WWC2: variants seen among roughly 807,000 people sequenced by gnomAD.
WWC2 encodes protein WWC2.
A neutral mutation model predicts 138.5 loss-of-function variants in WWC2; 101 were observed. The observed-to-expected ratio is 0.73, with a 90% CI of 0.62 to 0.86. The LOEUF (loss-of-function observed/expected upper bound fraction) is 0.86. WWC2 is among the 40% of genes least tolerant of loss of function. The probability of loss-of-function intolerance (pLI) is 0.00; values close to 1 mark genes in which losing one functional copy is unlikely to be tolerated. For synonymous variants in WWC2, 558 were observed against 538.4 expected (o/e 1.04, Z -0.50); for missense variants, 1,420 against 1,419.4 (o/e 1.00, Z -0.01).
chr4:183,148,865 G>T (rs1259430530), intron 1 of WWC2, among the ~76,000 whole-genome samples: 1 of 152,164 alleles, frequency 6.6e-6, no homozygotes, highest in Non-Finnish European at 1.5e-5. Context: ...AGTAGCTCAT[G>T]CCTGCAATCC....
chr4:183,302,962 G>C (rs368754525), intron 21 of WWC2, among the ~76,000 whole-genome samples: 12 of 151,622 alleles, frequency 7.9e-5, no homozygotes, highest in African/African-American at 2.9e-4. Context: ...TATTCTGGAG[G>C]CAGAGGCAGG....
intron 1 of WWC2, among the ~76,000 whole-genome samples, chr4:183,160,619 A>G (rs1225941210): frequency 6.6e-6 from 1 of 152,214 alleles, no homozygotes; most frequent in African/African-American, 2.4e-5. Flanking sequence ...AAAAATCCCA[A>G]TCAGTTTGGT....
chr4:183,101,773 C>T (rs1173157033), intron 1 of WWC2, among the ~76,000 whole-genome samples: 1 of 152,164 alleles, frequency 6.6e-6, no homozygotes, highest in East Asian at 1.9e-4. Context: ...TGTGTGGATT[C>T]TTCTGCAGGA....
chr4:183,138,289 A>G (rs1386819433), intron 1 of WWC2, among the ~76,000 whole-genome samples: 2 of 152,148 alleles, frequency 1.3e-5, no homozygotes, highest in Non-Finnish European at 2.9e-5. Flanking sequence ...CTTTACCATT[A>G]TAAGAGGATC....
intron 1 of WWC2, among the ~76,000 whole-genome samples, chr4:183,100,854 T>G (rs747426843): frequency 7.2e-5 from 11 of 152,250 alleles, no homozygotes; most frequent in African/African-American, 9.6e-5. Context: ...AAAAGGCACC[T>G]GTGCTGAGGT....
chr4:183,320,276 G>A lies in WWC2; in HGVS notation c.*4547G>A. The A allele has an allele frequency of 6.9e-7, 1 of 1,441,736 alleles. No homozygotes were observed. The allele number at this position is 1,441,736 out of a possible 1,614,324, so 89.3% of individuals were successfully genotyped here. Reference sequence around the variant, plus strand: ...TCCTGCCCTTCGGTTGCTGTGAAAAGAAGTGTGACACTTGTGTTATAACTT... The same window carrying A: ...TCCTGCCCTTCGGTTGCTGTGAAAAAAAGTGTGACACTTGTGTTATAACTT... On this transcript the variant is annotated 3_prime_UTR_variant, in exon 23 of 23. Coordinates refer to ENST00000403733, the MANE Select transcript of WWC2 (RefSeq NM_024949.6).
At chr4:183,261,722 A>G (rs1580122126) in intron 11 of WWC2, among the ~76,000 whole-genome samples, 190 bp downstream of exon 11, 1 of 152,320 alleles carries the variant, frequency 6.6e-6, no homozygotes, top group East Asian at 1.9e-4. Flanking sequence ...AATAAAAATT[A>G]CCTTCCCTAT....
chr4:183,102,363 A>G (rs1055774402), intron 1 of WWC2, among the ~76,000 whole-genome samples: 2 of 152,126 alleles, frequency 1.3e-5, no homozygotes, highest in Non-Finnish European at 2.9e-5. Flanking sequence ...CATGGACAGT[A>G]TTTACTCAGT....
intron 21 of WWC2, among the ~76,000 whole-genome samples, chr4:183,310,644 GCACATGCCACCA>G (rs1435057251): frequency 6.7e-6 from 1 of 148,796 alleles, no homozygotes; most frequent in Non-Finnish European, 1.5e-5. Context: ...GGGACCACAG[GCACATGCCACCA>G]CACCTAGCTA....
At chr4:183,268,160 G>A (rs1054363021) in intron 14 of WWC2, among the ~76,000 whole-genome samples, 3 of 152,152 alleles carry the variant, frequency 2.0e-5, no homozygotes, top group Non-Finnish European at 2.9e-5. Flanking sequence ...ACGGAGAAAG[G>A]CATGTTTTAG....
chr4:183,312,181 G>A (rs1009107112), intron 21 of WWC2, among the ~76,000 whole-genome samples, 160 bp from the exon 22 acceptor site: 1 of 152,166 alleles, frequency 6.6e-6, no homozygotes, highest in Admixed American at 6.5e-5. Context: ...TGGTCATGTG[G>A]GTGTTGGCTC....
rs778015361 is a variant in WWC2, at chr4:183,271,200, G to A, written c.2521G>A (p.Val841Ile). The change falls in exon 16 of 23, where the codon GTA becomes ATA. Residue 841 changes from valine to isoleucine, a missense_variant. Physicochemically the swap from Val to Ile is conservative, Grantham distance 29 (BLOSUM62 3). Coordinates refer to ENST00000403733, the MANE Select transcript of WWC2 (RefSeq NM_024949.6). ...AAAGAATGAAGAAAATGAGGACTCTGTATTTCAACCAAACCAGCCGTTAGT... is the reference window on the plus strand; with the variant it reads ...AAAGAATGAAGAAAATGAGGACTCTATATTTCAACCAAACCAGCCGTTAGT... The part of the protein sequence containing the change: ...CKKNEENEDS[V>I]FQPNQPLVDS... The A allele has an allele frequency of 6.2e-7, 1 of 1,612,700 alleles. No individual in the cohort carries two copies. The highest frequency in any genetic ancestry group is 1.1e-5 in the South Asian group (1 of 90,862).
intron 1 of WWC2, among the ~76,000 whole-genome samples, chr4:183,138,756 C>T (rs995012680): frequency 6.6e-5 from 10 of 152,156 alleles, no homozygotes; most frequent in African/African-American, 1.2e-4. Context: ...TTTATTTTCT[C>T]GCTAGCTCAT....
chr4:183,114,993 C>G (rs1011444020), intron 1 of WWC2, among the ~76,000 whole-genome samples: 1 of 152,038 alleles, frequency 6.6e-6, no homozygotes, highest in Non-Finnish European at 1.5e-5. Flanking sequence ...AGCTAATCCC[C>G]ATAGGTAGTT....
intron 4 of WWC2, among the ~76,000 whole-genome samples, chr4:183,215,636 A>C (rs566547291): frequency 3.9e-5 from 6 of 152,266 alleles, no homozygotes; most frequent in Non-Finnish European, 8.8e-5. Flanking sequence ...TGATTTTATA[A>C]TGTTTTATTT....
At chr4:183,269,263 C>G (rs1737620387) in intron 15 of WWC2, 100 bp downstream of exon 15, 3 of 1,143,772 alleles carry the variant, frequency 2.6e-6, no homozygotes, top group Non-Finnish European at 3.8e-6. Flanking sequence ...GAAATCACTA[C>G]AGACCTGCCC....
In WWC2 at chr4:183,319,776, A is replaced by G; in HGVS notation, c.*4047A>G. 6.2e-7 allele frequency: 1 copy of G among 1,614,014 alleles called. No homozygotes were observed. Among genetic ancestry groups the G allele is most frequent in the Non-Finnish European group, 8.5e-7 (1 of 1,179,950 alleles). Reference sequence around the variant, plus strand: ...AAAGTCTGGGACGTTCTCATCCCAGAACTCCTGAACCGTCTTGTGGGCAAC... The same window carrying G: ...AAAGTCTGGGACGTTCTCATCCCAGGACTCCTGAACCGTCTTGTGGGCAAC... On this transcript the variant is annotated 3_prime_UTR_variant, in exon 23 of 23. Transcript: ENST00000403733.
chr4:183,181,443 G>C (rs1734631759), intron 1 of WWC2, among the ~76,000 whole-genome samples: 1 of 152,156 alleles, frequency 6.6e-6, no homozygotes, highest in South Asian at 2.1e-4. Context: ...GTAGATTGAG[G>C]TCTGCAGCTT....
At chr4:183,273,803 T>C (rs1737770520) in intron 16 of WWC2, among the ~76,000 whole-genome samples, 1 of 152,232 alleles carries the variant, frequency 6.6e-6, no homozygotes, top group African/African-American at 2.4e-5. Flanking sequence ...CCTTGTGCTT[T>C]TGGTATCATA....
Sources: allele counts gnomAD v4.1 joint callset (sites outside exome capture counted in the v4.1 genomes callset), GRCh38; gene constraint gnomAD v4.1.1; transcripts MANE v1.5; gene names NCBI Gene and HGNC (gene_info 2026-07-23, HGNC 2026-07-21).